EIF2B3: variants seen among roughly 807,000 people sequenced by gnomAD.
EIF2B3 encodes translation initiation factor eIF2B subunit gamma.
EIF2B3 carries 20 observed loss-of-function variants against 54.1 expected under a neutral mutation model. The ratio of observed to expected loss-of-function variants is 0.37; its 90% CI spans 0.26 to 0.54. EIF2B3 has a LOEUF of 0.54. Ranked by LOEUF, EIF2B3 falls within the 20% of genes least tolerant of loss-of-function variation. The pLI is 0.86. For synonymous variants in EIF2B3, 153 were observed against 188.1 expected, an observed-to-expected ratio of 0.81 and a Z score of 1.52; for missense variants, 448 against 547.8, an observed-to-expected ratio of 0.82 and a Z score of 1.82.
chr1:44,877,192 T>TA (rs768263508), intron 8 of EIF2B3, among the ~76,000 whole-genome samples: 1,520 of 52,020 alleles, frequency 0.029, 160 homozygotes, highest in Non-Finnish European at 0.044. Context: ...GAATGATCAA[T>TA]AAAAAAAAAA....
chr1:44,890,629 T>C (rs962706944), intron 6 of EIF2B3, among the ~76,000 whole-genome samples: 4 of 152,140 alleles, frequency 2.6e-5, no homozygotes, highest in Admixed American at 2.6e-4. Flanking sequence ...GAAAATTCCT[T>C]CCAAAGCATA....
At chr1:44,856,418 G>A (rs12735038) in intron 11 of EIF2B3, among the ~76,000 whole-genome samples, 28,200 of 151,254 alleles carry the variant, frequency 0.19, 2,867 homozygotes, top group Admixed American at 0.28. Flanking sequence ...GGGAGGCTGA[G>A]GCACAAGAAC....
chr1:44,850,906 T>G lies in EIF2B3; in HGVS notation c.*45A>C. On this transcript the variant is annotated 3_prime_UTR_variant, in exon 12 of 12. Coordinates refer to ENST00000360403, the MANE Select transcript of EIF2B3 (RefSeq NM_020365.5). ...TTAAACAGGTGGGCCGGCCAACATC[T>G]GTGGCTTTGGAGGCCAAAAGGAAGG... is the stretch of plus-strand genomic sequence containing the variant. The G allele has an allele frequency of 6.2e-7, 1 of 1,607,910 alleles. No homozygotes were observed.
chr1:44,908,163 ACT>A (rs1167033638), intron 5 of EIF2B3, among the ~76,000 whole-genome samples: 2 of 152,136 alleles, frequency 1.3e-5, no homozygotes, highest in African/African-American at 4.8e-5. Flanking sequence ...ACAAGGTGAC[ACT>A]CTGGCTCCAT....
chr1:44,947,801 G>A (rs1489996058), intron 3 of EIF2B3, among the ~76,000 whole-genome samples: 1 of 152,100 alleles, frequency 6.6e-6, no homozygotes, highest in South Asian at 2.1e-4. Context: ...GACTATGAAG[G>A]TCACATTTTA....
intron 4 of EIF2B3, among the ~76,000 whole-genome samples, chr1:44,930,219 T>A (rs552971253): frequency 6.6e-6 from 1 of 152,320 alleles, no homozygotes; most frequent in South Asian, 2.1e-4. Context: ...GTAGGTGCTA[T>A]GTCTAGAGTT....
chr1:44,934,272 C>T (rs1405132844), intron 4 of EIF2B3, among the ~76,000 whole-genome samples: 1 of 151,760 alleles, frequency 6.6e-6, no homozygotes, highest in East Asian at 2.0e-4. Context: ...GTGGCAGGCG[C>T]CTGTAATCCC....
intron 3 of EIF2B3, among the ~76,000 whole-genome samples, chr1:44,945,530 G>C (rs994224228): frequency 6.6e-6 from 1 of 150,940 alleles, no homozygotes; most frequent in Non-Finnish European, 1.5e-5. Flanking sequence ...CTCCAGCCTG[G>C]GTAACAGCGC....
rs57217635 is a variant in EIF2B3, at chr1:44,911,796, C to T, written c.567-14352G>A. Among the ~76,000 whole-genome samples, 124 of 151,456 alleles carry T rather than the reference C, an allele frequency of 8.2e-4. 3 individuals are homozygous for T. The East Asian group carries it at 0.02, about 25-fold the overall frequency. The stretch of plus-strand genomic sequence containing the variant: ...TATGTATACATGTGCCATGCTGGTG[C>T]GCTGCACCCACTAACTCGTCATCTA... On this transcript the variant is annotated intron_variant, in intron 5 of 11. Coordinates refer to ENST00000360403, the MANE Select transcript of EIF2B3 (RefSeq NM_020365.5).
In EIF2B3 at chr1:44,881,719, C is replaced by T; in HGVS notation, c.677G>A (p.Ser226Asn). 1.9e-6 allele frequency: 3 copies of T among 1,614,156 alleles called. No individual in the cohort carries two copies. Among genetic ancestry groups the T allele is most frequent in the Non-Finnish European group, 2.5e-6 (3 of 1,180,002 alleles). Residue 226 changes from serine (S) to asparagine (N), a missense_variant, in exon 7 of 12, where the codon AGT becomes AAT. By Grantham distance (46) the Ser-to-Asn change is conservative (BLOSUM62 1). Around this residue, in one of 3 missense-constraint regions of EIF2B3, gnomAD observed 350 missense variants for 414.2 expected, o/e 0.85. Coordinates refer to ENST00000360403, the MANE Select transcript of EIF2B3 (RefSeq NM_020365.5). The surrounding 1 kb of genome is among the most constrained non-coding windows in gnomAD (Gnocchi z 4.0). The part of the protein sequence containing the change: ...MENGSITSIR[S>N]ELIPYLVRKQ... ...TCTCACTAAATATGGAATCAGTTCACTCCGGATAGAAGTTATTGACCTAGA... is the reference window on the plus strand; with the variant it reads ...TCTCACTAAATATGGAATCAGTTCATTCCGGATAGAAGTTATTGACCTAGA...
chr1:44,946,627 C>CTTTTTT (rs35199520), intron 3 of EIF2B3, among the ~76,000 whole-genome samples: 4 of 131,864 alleles, frequency 3.0e-5, no homozygotes, highest in Non-Finnish European at 6.4e-5. Context: ...TCTTCTTCTT[C>CTTTTTT]TTTTTTTTTT....
At chr1:44,922,073 A>G (rs1643748724) in intron 5 of EIF2B3, among the ~76,000 whole-genome samples, 2 of 150,456 alleles carry the variant, frequency 1.3e-5, no homozygotes, top group African/African-American at 4.9e-5. Context: ...CGCTCAGCTA[A>G]TTTTTGTATT....
intron 10 of EIF2B3, among the ~76,000 whole-genome samples, chr1:44,862,022 A>G (rs17390328): frequency 0.16 from 24,844 of 152,182 alleles, 2,114 homozygotes; most frequent in Non-Finnish European, 0.17. Flanking sequence ...TGTTCATGCT[A>G]CAGGGAATGG....
At chr1:44,924,117 T>G (rs1005302846) in intron 5 of EIF2B3, among the ~76,000 whole-genome samples, 1 of 151,878 alleles carries the variant, frequency 6.6e-6, no homozygotes, top group African/African-American at 2.4e-5. Flanking sequence ...ATTTTTTGTA[T>G]TTTTAGTAGA....
intron 5 of EIF2B3, chr1:44,924,935 C>T (rs1418637750): frequency 1.3e-5 from 2 of 152,110 alleles, no homozygotes; most frequent in East Asian, 3.8e-4. Context: ...TTCTTTTGAG[C>T]TTACTCATGC....
At chr1:44,926,493 G>A (rs1177597194) in intron 5 of EIF2B3, 135 bp downstream of exon 5, 1 of 704,394 alleles carries the variant, frequency 1.4e-6, no homozygotes, top group Non-Finnish European at 2.4e-6. Flanking sequence ...CTGTCTCATG[G>A]GAAAAATATT....
chr1:44,917,097 C>T (rs1643638694), intron 5 of EIF2B3, among the ~76,000 whole-genome samples: 1 of 152,072 alleles, frequency 6.6e-6, no homozygotes, highest in African/African-American at 2.4e-5. Flanking sequence ...AAATGATTTG[C>T]TTTTTGCCTC....
At chr1:44,942,392 TATATATATATATATATATA>T (rs1644035675) in intron 3 of EIF2B3, among the ~76,000 whole-genome samples, 3 of 14,296 alleles carry the variant, frequency 2.1e-4, no homozygotes, top group African/African-American at 4.0e-4. Flanking sequence ...TATATATATA[TATATATATATATATATATA>T]TATATATTTT....
intron 5 of EIF2B3, among the ~76,000 whole-genome samples, chr1:44,921,528 G>T (rs1026203092): frequency 6.6e-6 from 1 of 152,220 alleles, no homozygotes; most frequent in Non-Finnish European, 1.5e-5. Context: ...TGAGGTCTTA[G>T]ATTTAGGTCT....
Sources: allele counts gnomAD v4.1 joint callset (sites outside exome capture counted in the v4.1 genomes callset), GRCh38; gene constraint gnomAD v4.1.1; regional missense constraint gnomAD v4.1.1; non-coding constraint Gnocchi (gnomAD v3.1); transcripts MANE v1.5; gene names NCBI Gene and HGNC (gene_info 2026-07-23, HGNC 2026-07-21).